Variants in PCDHGB2 observed in about 807,000 individuals in gnomAD.
PCDHGB2 encodes protocadherin gamma subfamily B, 2, also known as protocadherin gamma-B2.
Under a neutral mutation model 59.3 loss-of-function variants are expected in PCDHGB2, and 55 were observed. The observed-to-expected ratio is 0.93, with a 90% confidence interval of 0.75 to 1.16. PCDHGB2 has a LOEUF of 1.16. Among genes scored for constraint, PCDHGB2 ranks in the 50% most tolerant of loss-of-function variants. The pLI is 0.00. For synonymous variants in PCDHGB2, 516 were observed against 512.0 expected (o/e 1.01, Z -0.11); for missense variants, 1,228 against 1,198.5 (o/e 1.02, Z -0.36).
At chr5:141,373,965 G>T in intron 1 of PCDHGB2, 2 of 971,546 alleles carry the variant, frequency 2.1e-6, no homozygotes, top group East Asian at 2.9e-5. Context: ...GACCTGAAAC[G>T]CTTCGCATCC....
chr5:141,505,345 G>A (rs776607130), intron 2 of PCDHGB2, 48 bp from the exon 3 acceptor site: 13 of 1,613,086 alleles, frequency 8.1e-6, no homozygotes, highest in Non-Finnish European at 1.1e-5. Flanking sequence ...AGGGGCATGA[G>A]CTGTGCCGGC....
rs773126086 is a variant in PCDHGB2 at position 141,487,392 on chromosome 5, G to C, written c.2422-7415G>C. The C allele has an allele frequency of 6.2e-7, 1 of 1,614,176 alleles. No homozygotes were observed. Among genetic ancestry groups the C allele is most frequent in the Non-Finnish European group, 8.5e-7 (1 of 1,180,024 alleles). ...GCCTGTCTCACCAGATCTCGAAGGA[G>C]GGAGGGGCTTCCCCCTTCCAATGGG... On this transcript the variant is annotated intron_variant, in intron 1 of 3. Coordinates refer to ENST00000522605, the MANE Select transcript of PCDHGB2 (RefSeq NM_018923.3). This position sits in a 1 kb window ranked among gnomAD's most constrained non-coding sequence, Gnocchi z 5.0.
chr5:141,368,187 G>A (rs80010247), intron 1 of PCDHGB2, among the ~76,000 whole-genome samples: 206 of 152,174 alleles, frequency 1.4e-3, no homozygotes, highest in African/African-American at 4.8e-3. Context: ...GACTAAATAA[G>A]GGGAAAAGGT....
Position 141,510,964 on chromosome 5 carries a change from T to C in PCDHGB2, c.2587T>C (p.Ser863Pro), listed in dbSNP as rs1237904575. 6.2e-7 allele frequency: 1 copy of C among 1,614,084 alleles called. No individual in the cohort carries two copies. Among genetic ancestry groups the C allele is most frequent in the South Asian group, 1.1e-5 (1 of 91,082 alleles). The change falls in exon 4 of 4, where the codon TCC becomes CCC. Residue 863 changes from serine to proline, a missense_variant. Coordinates refer to ENST00000522605, the MANE Select transcript of PCDHGB2 (RefSeq NM_018923.3). ...CTCTGCAGAAGCTGCTGATGGGAGC[T>C]CCACCCTGGGAGGGGGTGCCGGCAC... is the stretch of plus-strand genomic sequence containing the variant. The part of the protein sequence containing the change: ...ASASEAADGS[S>P]TLGGGAGTMG...
intron 1 of PCDHGB2, chr5:141,422,641 A>G (rs557969590): frequency 1.2e-6 from 2 of 1,612,356 alleles, no homozygotes; most frequent in Admixed American, 1.7e-5. Context: ...GGGTGCCTCC[A>G]TCTTCTCAGT....
intron 1 of PCDHGB2, among the ~76,000 whole-genome samples, chr5:141,435,790 A>G (rs1336963117): frequency 2.0e-5 from 3 of 152,168 alleles, no homozygotes; most frequent in African/African-American, 7.2e-5. Flanking sequence ...GCAGGGAAAC[A>G]TAACGTCCCA....
chr5:141,389,789 C>T (rs1437335316), intron 1 of PCDHGB2: 6 of 1,613,328 alleles, frequency 3.7e-6, no homozygotes, highest in Admixed American at 3.3e-5. Flanking sequence ...ACAGGGACGC[C>T]GTCCGCCAGC....
In PCDHGB2 at chr5:141,490,761, G is replaced by GTA. The variant is rs1380770489; in HGVS notation, c.2422-4044_2422-4043dup. The GTA allele has an allele frequency of 6.2e-7, 1 of 1,614,048 alleles. No individual in the cohort carries two copies. The highest frequency in any genetic ancestry group is 1.3e-5 in the African/African-American group (1 of 74,920). On this transcript the variant is annotated intron_variant, in intron 1 of 3. Coordinates refer to ENST00000522605, the MANE Select transcript of PCDHGB2 (RefSeq NM_018923.3). The surrounding 1 kb of genome is among the most constrained non-coding windows in gnomAD (Gnocchi z 5.4). ...AGGGAGCCCCAGCCTCCTCCTTTGT[G>GTA]TATGTCAACCCAGAGGATGGACGGA...
At chr5:141,364,582 G>A (rs1379738059) in intron 1 of PCDHGB2, 1 of 1,614,206 alleles carries the variant, frequency 6.2e-7, no homozygotes, top group Non-Finnish European at 8.5e-7. Flanking sequence ...GCGGCAGCTT[G>A]GTCACCGCGG....
intron 1 of PCDHGB2, chr5:141,417,547 G>C (rs756455730): frequency 9.7e-5 from 31 of 318,264 alleles, no homozygotes; most frequent in Non-Finnish European, 1.5e-4. Flanking sequence ...AAAATTCCTT[G>C]AAAGAGGTAG....
intron 1 of PCDHGB2, chr5:141,402,918 A>G: frequency 6.4e-7 from 1 of 1,570,054 alleles, no homozygotes; most frequent in Non-Finnish European, 8.6e-7. Context: ...GCGCGCACAG[A>G]GATCCTTTTG....
intron 1 of PCDHGB2, among the ~76,000 whole-genome samples, chr5:141,461,376 T>C (rs2099014225): frequency 6.6e-6 from 1 of 152,184 alleles, no homozygotes; most frequent in South Asian, 2.1e-4. Context: ...AATTTGCATT[T>C]TCCTGATGAT....
intron 1 of PCDHGB2, chr5:141,372,072 C>G: frequency 1.2e-6 from 2 of 1,613,664 alleles, no homozygotes; most frequent in Non-Finnish European, 1.7e-6. Context: ...CGACAATGCA[C>G]CGCTGGTGCT....
rs61612330 is a variant in PCDHGB2, at chr5:141,454,796, A to ATTTTTTTTTTTTTTT, written c.2422-39996_2422-39982dup. 1.0e-3 allele frequency among the ~76,000 whole-genome samples: 80 copies of ATTTTTTTTTTTTTTT among 77,456 alleles called. 10 individuals are homozygous for ATTTTTTTTTTTTTTT. The highest frequency in any genetic ancestry group is 2.0e-3 in the East Asian group (5 of 2,512). The allele number at this position is 77,456 out of a possible 152,430, so 50.8% of individuals were successfully genotyped here. A position where few individuals can be genotyped will look rare whatever the true frequency, so the allele number is the denominator to read the frequency against. On this transcript the variant is annotated intron_variant, in intron 1 of 3. Transcript: ENST00000522605. ...AAGGAAATAATCCTCCATGGTTCTA[A>ATTTTTTTTTTTTTTT]TTTTTTTTTTTTTTTTTTTTTTTTT...
In PCDHGB2 at chr5:141,432,413, G is replaced by A; in HGVS notation, c.2422-62394G>A. 1.2e-6 allele frequency: 2 copies of A among 1,614,232 alleles called. No homozygotes were observed. The highest frequency in any genetic ancestry group is 2.2e-5 in the South Asian group (2 of 91,082). Reference sequence around the variant, plus strand: ...CAGCAACGTGTCGTTGAGCCTGTTCGTGCTGGACCAGAACGACAATGCGCC... The same window carrying A: ...CAGCAACGTGTCGTTGAGCCTGTTCATGCTGGACCAGAACGACAATGCGCC... On this transcript the variant is annotated intron_variant, in intron 1 of 3. Coordinates refer to ENST00000522605, the MANE Select transcript of PCDHGB2 (RefSeq NM_018923.3). The surrounding 1 kb of genome is among the most constrained non-coding windows in gnomAD (Gnocchi z 6.0).
chr5:141,492,230 C>T (rs1286145654), intron 1 of PCDHGB2, among the ~76,000 whole-genome samples: 1 of 152,196 alleles, frequency 6.6e-6, no homozygotes. Flanking sequence ...CGTGTCCTCC[C>T]TGCTGGCCAC....
At chr5:141,422,638 T>C (rs1412270971) in intron 1 of PCDHGB2, 1 of 1,612,392 alleles carries the variant, frequency 6.2e-7, no homozygotes, top group Non-Finnish European at 8.5e-7. Context: ...CAGGGGTGCC[T>C]CCATCTTCTC....
rs202065305 is a variant in PCDHGB2 at position 141,410,175 on chromosome 5, C to A, written c.2421+47619C>A. 1.1e-5 allele frequency: 17 copies of A among 1,613,752 alleles called. No homozygotes were observed. In the African/African-American group the frequency reaches 2.1e-4, roughly 20 times the overall value. ...GGACAGCCGCCACTCTCTGCCACCG[C>A]CACGCTTCATCTGGTCTTCGCAGAC... On this transcript the variant is annotated intron_variant, in intron 1 of 3. Transcript: ENST00000522605.
chr5:141,476,137 G>A lies in PCDHGB2; in HGVS notation c.2422-18670G>A. The A allele has an allele frequency of 1.2e-6, 2 of 1,609,204 alleles. No homozygotes were observed. The highest frequency in any genetic ancestry group is 1.7e-6 in the Non-Finnish European group (2 of 1,178,592). On this transcript the variant is annotated intron_variant, in intron 1 of 3. Coordinates refer to ENST00000522605, the MANE Select transcript of PCDHGB2 (RefSeq NM_018923.3). The surrounding 1 kb of genome is among the most constrained non-coding windows in gnomAD (Gnocchi z 7.6). ...GTGAGATGGTCCCAGAGGCCTGGAGGAGCGGACTGGTAAGCACCGGGAGGG... is the reference window on the plus strand; with the variant it reads ...GTGAGATGGTCCCAGAGGCCTGGAGAAGCGGACTGGTAAGCACCGGGAGGG...
Sources: allele counts gnomAD v4.1 joint callset (sites outside exome capture counted in the v4.1 genomes callset), GRCh38; gene constraint gnomAD v4.1.1; non-coding constraint Gnocchi (gnomAD v3.1); transcripts MANE v1.5; gene names NCBI Gene and HGNC (gene_info 2026-07-23, HGNC 2026-07-21).